TNFRSF9: variants seen among roughly 807,000 people sequenced by gnomAD.
The protein encoded by TNFRSF9 is tumor necrosis factor receptor superfamily member 9.
Under a neutral mutation model 28.8 loss-of-function variants are expected in TNFRSF9, and 16 were observed. That is an observed-to-expected ratio of 0.55 (90% CI 0.38 to 0.84). The LOEUF (loss-of-function observed/expected upper bound fraction) is 0.84, where lower values mean the gene tolerates loss of function less well. Ranked by LOEUF, TNFRSF9 falls within the 40% of genes least tolerant of loss-of-function variation. The pLI is 0.00. For missense variants in TNFRSF9, 303 were observed against 315.0 expected, an observed-to-expected ratio of 0.96 and a Z score of 0.29; for synonymous variants, 131 against 117.0, an observed-to-expected ratio of 1.12 and a Z score of -0.77.
rs149951504 is a variant in TNFRSF9 at position 7,937,714 on chromosome 1, C to T, written c.389G>A (p.Arg130His). 19 of 1,613,552 alleles carry T rather than the reference C, an allele frequency of 1.2e-5. No homozygotes were observed. The highest frequency in any genetic ancestry group is 5.0e-5 in the Admixed American group (3 of 59,996). Residue 130 changes from arginine to histidine, a missense_variant, in exon 5 of 8, where the codon CGT becomes CAT. By Grantham distance (29) the Arg-to-His change is conservative (BLOSUM62 0). Coordinates refer to ENST00000377507, the MANE Select transcript of TNFRSF9 (RefSeq NM_001561.6). Reference protein sequence around the residue: ...CCFGTFNDQKRGICRPWTNCS... With the variant: ...CCFGTFNDQKHGICRPWTNCS... ...CTTTGTCCAGGGTCGACAGATGCCA[C>T]GTTTCTGATCGTTAAATGTCCCAAA...
chr1:7,939,544 C>T (rs903272016), intron 2 of TNFRSF9, among the ~76,000 whole-genome samples: 2 of 152,196 alleles, frequency 1.3e-5, no homozygotes, highest in African/African-American at 4.8e-5. Flanking sequence ...TTACTACGCG[C>T]TTACTCGCTG....
At chr1:7,939,445 A>G (rs1639869647) in intron 2 of TNFRSF9, among the ~76,000 whole-genome samples, 1 of 152,206 alleles carries the variant, frequency 6.6e-6, no homozygotes, top group Non-Finnish European at 1.5e-5. Context: ...TGATTGATGT[A>G]GGAGATGAAT....
rs1639486246 is a variant in TNFRSF9 at position 7,916,825 on chromosome 1, C to T, written c.*4010G>A. ...CAATTCTGTAAAATTATCAACTCTC[C>T]CTAAATTGACCTGTAGATTTAATGA... On this transcript the variant is annotated 3_prime_UTR_variant, in exon 8 of 8. Coordinates refer to ENST00000377507, the MANE Select transcript of TNFRSF9 (RefSeq NM_001561.6). 1 of 152,134 alleles carries T rather than the reference C, an allele frequency of 6.6e-6. No individual in the cohort carries two copies. Among genetic ancestry groups the T allele is most frequent in the South Asian group, 2.1e-4 (1 of 4,826 alleles). The allele number at this position is 152,134 out of a possible 1,614,324, so 9.4% of individuals were successfully genotyped here.
intron 7 of TNFRSF9, among the ~76,000 whole-genome samples, chr1:7,922,209 T>A (rs1639570256): frequency 6.6e-6 from 1 of 152,194 alleles, no homozygotes; most frequent in Admixed American, 6.5e-5. Flanking sequence ...CACCATCTCC[T>A]AGAACTTATG....
rs969424778 is a variant in TNFRSF9 at position 7,920,353 on chromosome 1, T to A, written c.*482A>T. ...CAGCTCTGTCCTCATCTGTCTGTTC[T>A]GTTAAAAGTGGTGCATTATTTTGGC... On this transcript the variant is annotated 3_prime_UTR_variant, in exon 8 of 8. Coordinates refer to ENST00000377507, the MANE Select transcript of TNFRSF9 (RefSeq NM_001561.6). The A allele has an allele frequency of 2.0e-5, 3 of 153,248 alleles. No individual in the cohort carries two copies. Among genetic ancestry groups the A allele is most frequent in the Non-Finnish European group, 4.3e-5 (3 of 69,234 alleles). 9.5% of individuals were successfully genotyped at this position (153,248 alleles called of 1,614,324 possible).
Position 7,918,860 on chromosome 1 carries a change from G to A in TNFRSF9, c.*1975C>T, listed in dbSNP as rs1443517300. ...GGGCACCTGATAGTACCAGAGGGTA[G>A]CAAGGATGTGGATCAATGGGATACT... On this transcript the variant is annotated 3_prime_UTR_variant, in exon 8 of 8. Transcript: ENST00000377507. 2 of 152,162 alleles carry A rather than the reference G, an allele frequency of 1.3e-5. No homozygotes were observed. The highest frequency in any genetic ancestry group is 2.4e-5 in the African/African-American group (1 of 41,440). 9.4% of individuals were successfully genotyped at this position (152,162 alleles called of 1,614,324 possible). A position where few individuals can be genotyped will look rare whatever the true frequency, so the allele number is the denominator to read the frequency against.
In TNFRSF9 at chr1:7,939,880, T is replaced by C. The variant is rs772054940; in HGVS notation, c.100+15A>G. 1 of 1,581,754 alleles carries C rather than the reference T, an allele frequency of 6.3e-7. No homozygotes were observed. Among genetic ancestry groups the C allele is most frequent in the East Asian group, 2.3e-5 (1 of 44,044 alleles). On this transcript the variant is annotated intron_variant, in intron 2 of 7. Coordinates refer to ENST00000377507, the MANE Select transcript of TNFRSF9 (RefSeq NM_001561.6). ...AACAGAGCAGATCAAATGCACATGA[T>C]AACTGGGTACTCACCAGCTGGGCAG...
chr1:7,933,125 C>A, intron 7 of TNFRSF9, 37 bp downstream of exon 7: 1 of 1,553,944 alleles, frequency 6.4e-7, no homozygotes, highest in Non-Finnish European at 8.7e-7. Flanking sequence ...AAAAGCCTTG[C>A]CTTGCCAGAG....
rs1639487565 is a variant in TNFRSF9, at chr1:7,916,926, C to G, written c.*3909G>C. ...AATAAAGAACCAAGAATAACCAAGA[C>G]ATCTCTTTTCTTTTTTTTCCTGAGA... On this transcript the variant is annotated 3_prime_UTR_variant, in exon 8 of 8. Coordinates refer to ENST00000377507, the MANE Select transcript of TNFRSF9 (RefSeq NM_001561.6). 1 of 152,022 alleles carries G rather than the reference C, an allele frequency of 6.6e-6. No homozygotes were observed. Among genetic ancestry groups the G allele is most frequent in the Non-Finnish European group, 1.5e-5 (1 of 67,970 alleles). The allele number at this position is 152,022 out of a possible 1,614,324, so 9.4% of individuals were successfully genotyped here.
chr1:7,927,740 A>C (rs1419868669), intron 7 of TNFRSF9, among the ~76,000 whole-genome samples: 5 of 152,014 alleles, frequency 3.3e-5, no homozygotes, highest in African/African-American at 4.8e-5. Context: ...GAAAAAAAAA[A>C]ACCCTAAATC....
chr1:7,940,163 A>G, intron 1 of TNFRSF9, 85 bp from the exon 2 acceptor site: 1 of 474,306 alleles, frequency 2.1e-6, no homozygotes, highest in Non-Finnish European at 3.8e-6. Context: ...ACAATTCTAT[A>G]AGAGGATAAC....
At position 7,937,761 on chromosome 1, in the gene TNFRSF9, T is replaced by A; in HGVS notation, c.347-5A>T. 6.2e-7 allele frequency: 1 copy of A among 1,609,288 alleles called. No homozygotes were observed. The highest frequency in any genetic ancestry group is 1.1e-5 in the South Asian group (1 of 90,406). ...CAAAGCAACAGTCTTTACAACCTTG[T>A]ATTAAAAATGAAAGCAATAATAAAA... On this transcript the variant is annotated splice_region_variant and splice_polypyrimidine_tract_variant and intron_variant, in intron 4 of 7. Transcript: ENST00000377507.
chr1:7,930,375 A>G (rs1639717082), intron 7 of TNFRSF9, among the ~76,000 whole-genome samples: 1 of 152,202 alleles, frequency 6.6e-6, no homozygotes, highest in Non-Finnish European at 1.5e-5. Flanking sequence ...TAAAAAATGG[A>G]TTACAGTTCC....
Position 7,933,209 on chromosome 1 carries a change from G to C in TNFRSF9, c.632C>G (p.Ser211Cys). The change falls in exon 7 of 8, where the codon TCT becomes TGT. Residue 211 changes from serine to cysteine, a missense_variant. Ser to Cys is a moderately radical substitution (Grantham distance 112). Coordinates refer to ENST00000377507, the MANE Select transcript of TNFRSF9 (RefSeq NM_001561.6). Reference sequence around the variant, plus strand: ...TTTCTTTCTGCCCCGTTTAACAACAGAGAAACGGAGCGTGAGGAAGAACAG... The same window carrying C: ...TTTCTTTCTGCCCCGTTTAACAACACAGAAACGGAGCGTGAGGAAGAACAG... ...FLLFFLTLRF[S>C]VVKRGRKKLL... 6.2e-7 allele frequency: 1 copy of C among 1,614,020 alleles called. No homozygotes were observed. The highest frequency in any genetic ancestry group is 8.5e-7 in the Non-Finnish European group (1 of 1,179,924).
Position 7,920,768 on chromosome 1 carries a change from A to T in TNFRSF9, c.*67T>A, listed in dbSNP as rs1639544577. ...GGTGTTCTTGCTTTTGAAAGCTGTGATAGCGGATGACTCATATTTCCTTGC... is the reference window on the plus strand; with the variant it reads ...GGTGTTCTTGCTTTTGAAAGCTGTGTTAGCGGATGACTCATATTTCCTTGC... On this transcript the variant is annotated 3_prime_UTR_variant, in exon 8 of 8. Transcript: ENST00000377507. The T allele has an allele frequency of 5.6e-6, 7 of 1,245,138 alleles. No individual in the cohort carries two copies. Among genetic ancestry groups the T allele is most frequent in the Non-Finnish European group, 8.3e-6 (7 of 845,654 alleles). The allele number at this position is 1,245,138 out of a possible 1,614,324, so 77.1% of individuals were successfully genotyped here.
intron 7 of TNFRSF9, 31 bp from the exon 8 acceptor site, chr1:7,920,954 T>C (rs1358487251): frequency 6.9e-7 from 1 of 1,451,244 alleles, no homozygotes; most frequent in Non-Finnish European, 9.7e-7. Flanking sequence ...TACGTATATT[T>C]TGTTGTCTAT....
Position 7,920,633 on chromosome 1 carries a change from A to G in TNFRSF9, c.*202T>C, listed in dbSNP as rs527694586. ...GCCACTGCACTCCAGCCTGGGTGAC[A>G]GAGTGAGACCCTGTCAAAAAAAAAA... is the stretch of plus-strand genomic sequence containing the variant. On this transcript the variant is annotated 3_prime_UTR_variant, in exon 8 of 8. Coordinates refer to ENST00000377507, the MANE Select transcript of TNFRSF9 (RefSeq NM_001561.6). 2.0e-4 allele frequency: 101 copies of G among 503,444 alleles called. No individual in the cohort carries two copies. Among genetic ancestry groups the G allele is most frequent in the African/African-American group, 1.7e-3 (89 of 50,972 alleles). 31.2% of individuals were successfully genotyped at this position (503,444 alleles called of 1,614,324 possible).
At position 7,939,983 on chromosome 1, in the gene TNFRSF9, G is replaced by A; in HGVS notation, c.12C>T (p.Ser4=). The change falls in exon 2 of 8, where the codon AGC becomes AGT. Residue 4 remains serine, a synonymous_variant. Coordinates refer to ENST00000377507, the MANE Select transcript of TNFRSF9 (RefSeq NM_001561.6). MGN[S]CYNIVATLLL... ...ACAGAGTGGCTACTATGTTGTAACA[G>A]CTGTTTCCCATGATGAAATCTGGCA... The A allele has an allele frequency of 6.3e-7, 1 of 1,591,970 alleles. No homozygotes were observed. The highest frequency in any genetic ancestry group is 8.6e-7 in the Non-Finnish European group (1 of 1,162,316).
In TNFRSF9 at chr1:7,920,851, C is replaced by T. The variant is rs1223369428; in HGVS notation, c.752G>A (p.Gly251Glu). ...ACTTCCATTTCACAGTTCACATCCT[C>T]CTTCTTCTTCTTCTGGAAATCGGCA... ...CSCRFPEEEE[G>E]GCEL Residue 251 changes from glycine to glutamate, a missense_variant, in exon 8 of 8, where the codon GGA becomes GAA. Physicochemically the swap from Gly to Glu is moderately conservative, Grantham distance 98 (BLOSUM62 -2). Transcript: ENST00000377507. 1.2e-6 allele frequency: 2 copies of T among 1,612,870 alleles called. No individual in the cohort carries two copies. The highest frequency in any genetic ancestry group is 1.6e-4 in the Middle Eastern group (1 of 6,076).
Sources: gnomAD v4.1 joint callset for allele counts (sites outside exome capture counted in the v4.1 genomes callset) on GRCh38, gnomAD v4.1.1 for gene constraint, MANE v1.5 for transcripts, NCBI Gene and HGNC (gene_info 2026-07-23, HGNC 2026-07-21) for gene names.